ENTREP2: variants seen among roughly 807,000 people sequenced by gnomAD.
ENTREP2 encodes endosomal transmembrane epsin interactor 2, also known as protein ENTREP2.
the ENTREP2 span, among the ~76,000 whole-genome samples, chr15:29,653,087 T>C: frequency 6.6e-6 from 1 of 152,304 alleles, no homozygotes; most frequent in African/African-American, 2.4e-5. Flanking sequence ...GAAATTGATT[T>C]GGTTGCAAGG....
chr15:29,651,584 G>GCC, the ENTREP2 span, among the ~76,000 whole-genome samples: 1 of 152,194 alleles, frequency 6.6e-6, no homozygotes, highest in Non-Finnish European at 1.5e-5. Flanking sequence ...GCCTGGGAAG[G>GCC]CCCCCCATCT....
At chr15:29,619,967 C>T in the ENTREP2 span, among the ~76,000 whole-genome samples, 1 of 152,116 alleles carries the variant, frequency 6.6e-6, no homozygotes, top group African/African-American at 2.4e-5. Context: ...TCCAGCTTTC[C>T]CGCATCTCAG....
chr15:29,374,455 G>C, the ENTREP2 span: 1 of 152,074 alleles, frequency 6.6e-6, no homozygotes, highest in African/African-American at 2.4e-5. Flanking sequence ...ACTTCATCAA[G>C]TATAGTCTAA....
chr15:29,360,089 T>C, the ENTREP2 span, among the ~76,000 whole-genome samples: 1 of 152,220 alleles, frequency 6.6e-6, no homozygotes, highest in Non-Finnish European at 1.5e-5. Flanking sequence ...CACTTTCAAT[T>C]AGTATGGTTC....
the ENTREP2 span, among the ~76,000 whole-genome samples, chr15:29,225,755 G>C: frequency 1.3e-5 from 2 of 152,186 alleles, no homozygotes. Flanking sequence ...TTCTGAGCAC[G>C]TCAGCCCCTG....
chr15:29,305,330 A>C, the ENTREP2 span, among the ~76,000 whole-genome samples: 1 of 152,236 alleles, frequency 6.6e-6, no homozygotes, highest in African/African-American at 2.4e-5. Context: ...ACAAATGAGA[A>C]TTTTGAACTG....
At chr15:29,421,885 A>G in the ENTREP2 span, among the ~76,000 whole-genome samples, 1 of 152,234 alleles carries the variant, frequency 6.6e-6, no homozygotes, top group African/African-American at 2.4e-5. Context: ...TTATGACTTC[A>G]TGAGTAACGG....
At chr15:29,122,736 T>G in the ENTREP2 span, 1 of 152,296 alleles carries the variant, frequency 6.6e-6, no homozygotes, top group Non-Finnish European at 1.5e-5. Flanking sequence ...AGGCCCGCAC[T>G]GCACATTTGT....
At chr15:29,146,636 G>C in the ENTREP2 span, among the ~76,000 whole-genome samples, 1 of 152,116 alleles carries the variant, frequency 6.6e-6, no homozygotes, top group Admixed American at 6.5e-5. Flanking sequence ...AACTCAAAAT[G>C]GTCTAAACAC....
the ENTREP2 span, among the ~76,000 whole-genome samples, chr15:29,325,528 C>T: frequency 5.9e-5 from 9 of 152,046 alleles, no homozygotes; most frequent in African/African-American, 1.9e-4. Context: ...TTGAAACATA[C>T]AAATGACCAA....
the ENTREP2 span, among the ~76,000 whole-genome samples, chr15:29,401,229 T>C: frequency 1.3e-5 from 2 of 152,134 alleles, no homozygotes; most frequent in Middle Eastern, 3.4e-3. Context: ...AAAAAACCCA[T>C]AAAACCAAAG....
At chr15:29,215,420 A>C in the ENTREP2 span, among the ~76,000 whole-genome samples, 1 of 152,080 alleles carries the variant, frequency 6.6e-6, no homozygotes, top group African/African-American at 2.4e-5. Flanking sequence ...CCCAGCCTAC[A>C]TCTTTCTCCC....
the ENTREP2 span, chr15:29,374,936 T>C: frequency 1.3e-5 from 2 of 152,210 alleles, no homozygotes; most frequent in Non-Finnish European, 2.9e-5. Flanking sequence ...GGGTTTTTTT[T>C]ATACCTCCAT....
the ENTREP2 span, among the ~76,000 whole-genome samples, chr15:29,317,895 C>T: frequency 2.0e-5 from 3 of 152,268 alleles, no homozygotes; most frequent in African/African-American, 2.4e-5. Context: ...AACAGACTAG[C>T]GCCCACTCTG....
chr15:29,635,574 A>C, the ENTREP2 span, among the ~76,000 whole-genome samples: 1 of 152,138 alleles, frequency 6.6e-6, no homozygotes, highest in African/African-American at 2.4e-5. Context: ...TCTCCTGCCA[A>C]GGAATAGCGA....
At chr15:29,489,585 G>A in the ENTREP2 span, among the ~76,000 whole-genome samples, 1 of 152,200 alleles carries the variant, frequency 6.6e-6, no homozygotes, top group African/African-American at 2.4e-5. Flanking sequence ...GCATCCCAAT[G>A]CCAATTACTG....
At chr15:29,588,536 GA>G in the ENTREP2 span, among the ~76,000 whole-genome samples, 1 of 41,308 alleles carries the variant, frequency 2.4e-5, no homozygotes, top group African/African-American at 9.0e-5. Context: ...AAGGAAGGAA[GA>G]GAAAGAAAGA....
the ENTREP2 span, among the ~76,000 whole-genome samples, chr15:29,664,076 T>A: frequency 3.3e-5 from 5 of 152,078 alleles, no homozygotes; most frequent in Non-Finnish European, 7.4e-5. Context: ...CATATTTTGA[T>A]AATAAATTGC....
the ENTREP2 span, among the ~76,000 whole-genome samples, chr15:29,292,285 CCTTT>C: frequency 7.9e-5 from 12 of 151,894 alleles, no homozygotes; most frequent in Non-Finnish European, 1.3e-4. Context: ...TTTCTCTCTT[CCTTT>C]CTTTCCTTCT....
Sources: allele counts gnomAD v4.1 joint callset (sites outside exome capture counted in the v4.1 genomes callset), GRCh38; gene constraint gnomAD v4.1.1; transcripts MANE v1.5; gene names NCBI Gene and HGNC (gene_info 2026-07-23, HGNC 2026-07-21).